NRXN3: variants seen among roughly 807,000 people sequenced by gnomAD.
NRXN3 encodes the protein neurexin III.
In NRXN3, 32 loss-of-function variants were observed where a neutral mutation model predicts 137.6. That is an observed-to-expected ratio of 0.23 (90% CI 0.18 to 0.31). The LOEUF (loss-of-function observed/expected upper bound fraction) is 0.31. NRXN3 is among the 10% of genes least tolerant of loss of function. The pLI is 1.00. For synonymous variants in NRXN3, 798 were observed against 784.5 expected, an observed-to-expected ratio of 1.02 and a Z score of -0.29; for missense variants, 1,574 against 2,062.5, an observed-to-expected ratio of 0.76 and a Z score of 4.59.
intron 4 of NRXN3, among the ~76,000 whole-genome samples, chr14:78,569,400 GGACT>G (rs767107770): frequency 1.3e-5 from 2 of 149,636 alleles, no homozygotes; most frequent in South Asian, 4.3e-4. Flanking sequence ...TGAGTAGCTG[GGACT>G]ACAGGTGCCC....
At chr14:79,585,702 A>C (rs1016776353) in intron 16 of NRXN3, among the ~76,000 whole-genome samples, 14 of 149,608 alleles carry the variant, frequency 9.4e-5, no homozygotes, top group Middle Eastern at 3.5e-3. Context: ...AACAAAAAAA[A>C]AAAAAACCAA....
intron 15 of NRXN3, among the ~76,000 whole-genome samples, chr14:79,096,094 T>A (rs1034172361): frequency 2.0e-5 from 3 of 151,972 alleles, no homozygotes; most frequent in Non-Finnish European, 4.4e-5. Flanking sequence ...TTTTGATTTT[T>A]TAATTTTATT....
intron 4 of NRXN3, among the ~76,000 whole-genome samples, chr14:78,421,919 A>G (rs2093464202): frequency 6.6e-6 from 1 of 152,148 alleles, no homozygotes; most frequent in Non-Finnish European, 1.5e-5. Context: ...AACAAGCGCC[A>G]GCTATTTCTC....
chr14:78,428,861 A>G (rs530961421), intron 4 of NRXN3, among the ~76,000 whole-genome samples: 156 of 152,260 alleles, frequency 1.0e-3, no homozygotes, highest in African/African-American at 3.3e-3. Flanking sequence ...TATTCAACCT[A>G]CAAATTTAAC....
At position 79,838,172 on chromosome 14, in the gene NRXN3, A is replaced by G. The variant is rs146048125; in HGVS notation, c.4094-23170A>G. Among the ~76,000 whole-genome samples the G allele has an allele frequency of 1.1e-3, 161 of 152,324 alleles. 1 individual carries two copies. The highest frequency in any genetic ancestry group is 5.7e-4 in the Non-Finnish European group (39 of 68,022). On this transcript the variant is annotated intron_variant, in intron 20 of 20. Transcript: ENST00000335750. ...AGACAATACTTAAAAGTCATAAAGT[A>G]CTAAGTCTCAACTTTCAGACTTAAG...
intron 2 of NRXN3, among the ~76,000 whole-genome samples, chr14:78,274,770 G>A (rs1450157304): frequency 6.6e-6 from 1 of 152,210 alleles, no homozygotes; most frequent in Non-Finnish European, 1.5e-5. Flanking sequence ...ACGGAAGTGG[G>A]TTTCCAATTC....
At chr14:78,779,576 G>A (rs899776012) in intron 8 of NRXN3, among the ~76,000 whole-genome samples, 15 of 151,938 alleles carry the variant, frequency 9.9e-5, no homozygotes, top group Admixed American at 3.9e-4. Context: ...AGTCCATAAG[G>A]GTTTATTGGC....
intron 4 of NRXN3, among the ~76,000 whole-genome samples, chr14:78,452,781 G>T (rs1015133894): frequency 3.9e-5 from 6 of 152,168 alleles, no homozygotes; most frequent in Non-Finnish European, 5.9e-5. Flanking sequence ...TTAATCAATG[G>T]CATCAGAGCC....
In NRXN3 at chr14:78,198,761, A is replaced by G. The variant is rs1349509413; in HGVS notation, c.-704+28087A>G. The stretch of plus-strand genomic sequence containing the variant: ...AGGTGTCCAGCACTTAGATGACACC[A>G]ATGGAACAGAATTTTCTCAAATGAA... On this transcript the variant is annotated intron_variant, in intron 1 of 20. Transcript: ENST00000335750. 3.3e-5 allele frequency among the ~76,000 whole-genome samples: 5 copies of G among 152,378 alleles called. No individual in the cohort carries two copies. In the East Asian group the frequency reaches 9.6e-4, roughly 29 times the overall value.
intron 8 of NRXN3, among the ~76,000 whole-genome samples, chr14:78,740,109 C>T (rs1300056861): frequency 1.3e-5 from 2 of 152,078 alleles, no homozygotes; most frequent in South Asian, 2.1e-4. Context: ...CAAAAGAAGC[C>T]CACATGCAGT....
intron 19 of NRXN3, among the ~76,000 whole-genome samples, chr14:79,798,469 G>A (rs1057223508): frequency 1.3e-5 from 2 of 152,206 alleles, no homozygotes; most frequent in African/African-American, 4.8e-5. Context: ...CAGCTGCAGA[G>A]ATGTATGGCT....
chr14:79,573,903 ATATAT>A (rs1286973133), intron 16 of NRXN3, among the ~76,000 whole-genome samples: 1 of 152,134 alleles, frequency 6.6e-6, no homozygotes, highest in Non-Finnish European at 1.5e-5. Context: ...TGATAACAAG[ATATAT>A]TATTAATAAC....
At chr14:78,519,575 A>G (rs2096258340) in intron 4 of NRXN3, among the ~76,000 whole-genome samples, 1 of 152,190 alleles carries the variant, frequency 6.6e-6, no homozygotes. Flanking sequence ...AAAAACCACC[A>G]TACTTATCCT....
chr14:78,482,941 G>T (rs2095498023), intron 4 of NRXN3, among the ~76,000 whole-genome samples: 1 of 152,058 alleles, frequency 6.6e-6, no homozygotes, highest in Non-Finnish European at 1.5e-5. Context: ...GGTTATTTTG[G>T]ATCTTTGCCT....
Position 78,174,266 on chromosome 14 carries a change from A to C in NRXN3, c.-704+3592A>C, listed in dbSNP as rs2059048496. On this transcript the variant is annotated intron_variant, in intron 1 of 20. Coordinates refer to ENST00000335750, the MANE Select transcript of NRXN3 (RefSeq NM_001330195.2). ...ACGGGGTTACCTCCGGGGAGATTTGATGCCTGGACAGTAGAGCCACAGCCC... is the reference window on the plus strand; with the variant it reads ...ACGGGGTTACCTCCGGGGAGATTTGCTGCCTGGACAGTAGAGCCACAGCCC... Among the ~76,000 whole-genome samples the C allele has an allele frequency of 2.6e-5, 4 of 152,238 alleles. No homozygotes were observed. The South Asian group carries it at 8.3e-4, about 32-fold the overall frequency.
At chr14:78,369,758 C>T (rs1257753087) in intron 4 of NRXN3, among the ~76,000 whole-genome samples, 1 of 152,012 alleles carries the variant, frequency 6.6e-6, no homozygotes, top group Non-Finnish European at 1.5e-5. Flanking sequence ...GAGGGTCTCA[C>T]TTTGCTGCAG....
At chr14:79,661,805 G>C (rs2098535531) in intron 16 of NRXN3, 1 of 151,478 alleles carries the variant, frequency 6.6e-6, no homozygotes, top group African/African-American at 2.4e-5. Context: ...AATAATAGAA[G>C]ATAACAAAGG....
chr14:79,721,593 A>C (rs1344083524), intron 19 of NRXN3, among the ~76,000 whole-genome samples: 1 of 152,150 alleles, frequency 6.6e-6, no homozygotes, highest in Non-Finnish European at 1.5e-5. Context: ...TTCGGAAAAA[A>C]GATTAAAAGA....
chr14:78,598,377 A>C (rs1331937349), intron 4 of NRXN3, among the ~76,000 whole-genome samples: 2 of 151,634 alleles, frequency 1.3e-5, no homozygotes, highest in Non-Finnish European at 2.9e-5. Context: ...GCAGAGAGAG[A>C]GAGAGAGGGA....
Sources: allele counts gnomAD v4.1 joint callset (sites outside exome capture counted in the v4.1 genomes callset), GRCh38; gene constraint gnomAD v4.1.1; transcripts MANE v1.5; gene names NCBI Gene and HGNC (gene_info 2026-07-23, HGNC 2026-07-21).